Variants in ZCCHC7 observed in about 807,000 individuals in gnomAD.
The protein encoded by ZCCHC7 is zinc finger CCHC domain-containing protein 7.
ZCCHC7 carries 35 observed loss-of-function variants against 52.0 expected under a neutral mutation model. The ratio of observed to expected loss-of-function variants is 0.67; its 90% CI spans 0.51 to 0.89. ZCCHC7 has a LOEUF of 0.89. Ranked by LOEUF, ZCCHC7 falls within the 40% of genes least tolerant of loss-of-function variation. The pLI, the probability that ZCCHC7 is intolerant of heterozygous loss-of-function variation, is 0.00. For synonymous variants in ZCCHC7, 217 were observed against 221.5 expected, an observed-to-expected ratio of 0.98 and a Z score of 0.18; for missense variants, 574 against 649.1, an observed-to-expected ratio of 0.88 and a Z score of 1.26.
chr9:37,279,557 A>T (rs1336898842), intron 2 of ZCCHC7, among the ~76,000 whole-genome samples: 4 of 152,122 alleles, frequency 2.6e-5, no homozygotes, highest in African/African-American at 9.7e-5. Context: ...CTAAATGTGG[A>T]CATATTGATA....
At chr9:37,126,063 G>A (rs1303426617) in intron 1 of ZCCHC7, among the ~76,000 whole-genome samples, 1 of 152,148 alleles carries the variant, frequency 6.6e-6, no homozygotes, top group African/African-American at 2.4e-5. Context: ...TTCTTAGAGT[G>A]TTGACTGTGT....
At chr9:37,336,924 G>A (rs557877829) in intron 6 of ZCCHC7, among the ~76,000 whole-genome samples, 2 of 152,114 alleles carry the variant, frequency 1.3e-5, no homozygotes, top group African/African-American at 4.8e-5. Flanking sequence ...GTCCATCATT[G>A]TTTGGGGTCC....
At chr9:37,152,760 C>T (rs1317179722) in intron 2 of ZCCHC7, among the ~76,000 whole-genome samples, 2 of 152,174 alleles carry the variant, frequency 1.3e-5, no homozygotes, top group Non-Finnish European at 2.9e-5. Flanking sequence ...TTGCTGAGGT[C>T]GTGTTTGTCT....
chr9:37,306,904 C>T (rs1829353023), intron 5 of ZCCHC7, among the ~76,000 whole-genome samples: 1 of 149,602 alleles, frequency 6.7e-6, no homozygotes, highest in Non-Finnish European at 1.5e-5. Context: ...TCTCCTGCCT[C>T]AGCCTCCCAA....
chr9:37,249,478 TTTG>T (rs1272138909), intron 2 of ZCCHC7, among the ~76,000 whole-genome samples: 2 of 147,512 alleles, frequency 1.4e-5, no homozygotes, highest in Non-Finnish European at 3.0e-5. Flanking sequence ...TTTTTTTTTA[TTTG>T]TTGTTGTTTA....
At chr9:37,171,583 A>G (rs975373103) in intron 2 of ZCCHC7, among the ~76,000 whole-genome samples, 1 of 151,936 alleles carries the variant, frequency 6.6e-6, no homozygotes, top group Non-Finnish European at 1.5e-5. Flanking sequence ...ATGCCCAGCT[A>G]ATTTTAAAAA....
chr9:37,169,332 G>T (rs1194459482), intron 2 of ZCCHC7, among the ~76,000 whole-genome samples: 1 of 152,184 alleles, frequency 6.6e-6, no homozygotes, highest in African/African-American at 2.4e-5. Flanking sequence ...GCATAAGCTC[G>T]TTCTAAAAAT....
chr9:37,153,885 T>C (rs1349018478), intron 2 of ZCCHC7, among the ~76,000 whole-genome samples: 1 of 152,106 alleles, frequency 6.6e-6, no homozygotes, highest in Non-Finnish European at 1.5e-5. Flanking sequence ...AGTCAAATCA[T>C]AGGTAATTTT....
chr9:37,239,445 C>G (rs549125681), intron 2 of ZCCHC7, among the ~76,000 whole-genome samples: 7 of 152,154 alleles, frequency 4.6e-5, no homozygotes, highest in Admixed American at 3.3e-4. Flanking sequence ...CCTTCATGTT[C>G]TAGTCCTTTG....
At chr9:37,171,937 A>G (rs1433262521) in intron 2 of ZCCHC7, among the ~76,000 whole-genome samples, 2 of 152,206 alleles carry the variant, frequency 1.3e-5, no homozygotes, top group African/African-American at 2.4e-5. Context: ...AATCTTACCA[A>G]TAAGTAGCAG....
chr9:37,157,157 A>G (rs1006633777), intron 2 of ZCCHC7, among the ~76,000 whole-genome samples: 3 of 150,824 alleles, frequency 2.0e-5, no homozygotes, highest in African/African-American at 7.3e-5. Context: ...ACCAGTCTGT[A>G]CTAGTAGTCA....
intron 2 of ZCCHC7, among the ~76,000 whole-genome samples, chr9:37,192,786 CT>C: frequency 1.3e-5 from 2 of 152,312 alleles, no homozygotes; most frequent in Middle Eastern, 6.8e-3. Flanking sequence ...TGACTCATGT[CT>C]TTTCCTGATT....
Position 37,356,995 on chromosome 9 carries a change from G to A in ZCCHC7, c.1359G>A (p.Lys453=). The A allele has an allele frequency of 1.2e-6, 2 of 1,613,688 alleles. No homozygotes were observed. The highest frequency in any genetic ancestry group is 8.5e-7 in the Non-Finnish European group (1 of 1,179,916). ...NKETQKEMKN[K]NRNWEKHRKA... ...AAACACAAAAAGAAATGAAGAACAAGAATAGAAACTGGGAGAAGCACAGGA... is the reference window on the plus strand; with the variant it reads ...AAACACAAAAAGAAATGAAGAACAAAAATAGAAACTGGGAGAAGCACAGGA... Residue 453 remains lysine (K), a synonymous_variant, in exon 9 of 9, where the codon AAG becomes AAA. Transcript: ENST00000336755.
chr9:37,246,708 C>T (rs1031832964), intron 2 of ZCCHC7, among the ~76,000 whole-genome samples: 4 of 152,020 alleles, frequency 2.6e-5, no homozygotes, highest in African/African-American at 4.8e-5. Context: ...AGTTGGCTCT[C>T]GGTATCTACA....
chr9:37,280,199 G>A (rs1827887570), intron 2 of ZCCHC7, among the ~76,000 whole-genome samples: 1 of 152,040 alleles, frequency 6.6e-6, no homozygotes, highest in Non-Finnish European at 1.5e-5. Context: ...CGAAGGTACT[G>A]GAATCAGACC....
intron 2 of ZCCHC7, among the ~76,000 whole-genome samples, chr9:37,256,915 T>C (rs1319455610): frequency 6.6e-6 from 1 of 152,210 alleles, no homozygotes; most frequent in Non-Finnish European, 1.5e-5. Context: ...ATAATCTTCA[T>C]ACCATAGGGG....
intron 2 of ZCCHC7, among the ~76,000 whole-genome samples, chr9:37,168,249 G>A (rs1219435238): frequency 2.0e-5 from 3 of 152,104 alleles, no homozygotes; most frequent in African/African-American, 4.8e-5. Flanking sequence ...TGTTTTAAAC[G>A]CTTTTTCATG....
chr9:37,224,366 C>G (rs1442905970), intron 2 of ZCCHC7, among the ~76,000 whole-genome samples: 2 of 152,120 alleles, frequency 1.3e-5, no homozygotes, highest in Admixed American at 1.3e-4. Flanking sequence ...CCCTAAGATT[C>G]AGGTCATGTG....
intron 2 of ZCCHC7, among the ~76,000 whole-genome samples, chr9:37,173,418 G>A (rs972027988): frequency 6.6e-6 from 1 of 151,992 alleles, no homozygotes; most frequent in East Asian, 1.9e-4. Flanking sequence ...CTGTTATATG[G>A]GTATGTAATA....
Sources: allele counts gnomAD v4.1 joint callset (sites outside exome capture counted in the v4.1 genomes callset), GRCh38; gene constraint gnomAD v4.1.1; transcripts MANE v1.5; gene names NCBI Gene and HGNC (gene_info 2026-07-23, HGNC 2026-07-21).